CNTNAP4: variants seen among roughly 807,000 people sequenced by gnomAD.
CNTNAP4 encodes contactin associated protein family member 4.
CNTNAP4 carries 98 observed loss-of-function variants against 148.4 expected under a neutral mutation model. That is an observed-to-expected ratio of 0.66 (90% CI 0.56 to 0.78). The LOEUF is 0.78. CNTNAP4 is among the 30% of genes least tolerant of loss of function. The probability of loss-of-function intolerance (pLI) is 0.00; values close to 1 mark genes in which losing one functional copy is unlikely to be tolerated. For synonymous variants in CNTNAP4, 730 were observed against 565.1 expected (o/e 1.29, Z -4.14); for missense variants, 1,935 against 1,565.6 (o/e 1.24, Z -3.98).
Position 76,316,518 on chromosome 16 carries a change from G to A in CNTNAP4, c.191G>A (p.Arg64Lys). 1 of 1,608,396 alleles carries A rather than the reference G, an allele frequency of 6.2e-7. No individual in the cohort carries two copies. The highest frequency in any genetic ancestry group is 8.5e-7 in the Non-Finnish European group (1 of 1,174,900). The change falls in exon 2 of 24, where the codon AGA becomes AAA. Residue 64 changes from arginine to lysine, a missense_variant. Coordinates refer to ENST00000611870, the MANE Select transcript of CNTNAP4 (RefSeq NM_033401.5). Reference protein sequence around the residue: ...HGPGFARLNRRDGAGGWSPLV... With the variant: ...HGPGFARLNRKDGAGGWSPLV... ...CCTGGATTTGCAAGGCTGAATAGAA[G>A]AGATGGTAAGTCTGCTTTTCTCCTC...
rs561925693 is a variant in CNTNAP4 at position 76,418,599 on chromosome 16, G to A, written c.391-8853G>A. The stretch of plus-strand genomic sequence containing the variant: ...TTACATTACCCATCTGTTTTTGCAT[G>A]TTTTGAGCTTTTTCCATTAGACCCC... On this transcript the variant is annotated intron_variant, in intron 3 of 23. Coordinates refer to ENST00000611870, the MANE Select transcript of CNTNAP4 (RefSeq NM_033401.5). Among the ~76,000 whole-genome samples the A allele has an allele frequency of 7.9e-4, 120 of 151,652 alleles. 1 individual carries two copies. The highest frequency in any genetic ancestry group is 2.8e-3 in the African/African-American group (118 of 41,452).
At chr16:76,510,247 A>G (rs1252354503) in intron 15 of CNTNAP4, among the ~76,000 whole-genome samples, 1 of 152,134 alleles carries the variant, frequency 6.6e-6, no homozygotes, top group Non-Finnish European at 1.5e-5. Context: ...AATACAAGAT[A>G]TGTGATCTCT....
intron 2 of CNTNAP4, among the ~76,000 whole-genome samples, chr16:76,338,765 T>C (rs1048912540): frequency 1.3e-5 from 2 of 152,178 alleles, no homozygotes; most frequent in African/African-American, 4.8e-5. Flanking sequence ...TTGTAACCTT[T>C]CATAAGTGAC....
intron 15 of CNTNAP4, among the ~76,000 whole-genome samples, chr16:76,514,308 A>T (rs1033753967): frequency 6.6e-6 from 1 of 152,182 alleles, no homozygotes; most frequent in African/African-American, 2.4e-5. Flanking sequence ...AAATAATTGG[A>T]TGTTGCTCCA....
chr16:76,416,204 G>A (rs2078978005), intron 3 of CNTNAP4, among the ~76,000 whole-genome samples: 1 of 150,964 alleles, frequency 6.6e-6, no homozygotes, highest in Admixed American at 6.6e-5. Flanking sequence ...GCAAACTTTT[G>A]AAAGAACCAC....
At position 76,452,470 on chromosome 16, in the gene CNTNAP4, T is replaced by A. The variant is rs767860625; in HGVS notation, c.1072-38T>A. On this transcript the variant is annotated intron_variant, in intron 7 of 23. Coordinates refer to ENST00000611870, the MANE Select transcript of CNTNAP4 (RefSeq NM_033401.5). ...AATTCTGTTACTAATGTGATGTGAA[T>A]AACATTCTGAAAGCTTTTTCTTTTA... 6.8e-6 allele frequency: 11 copies of A among 1,607,528 alleles called. No homozygotes were observed. In the South Asian group the frequency reaches 1.1e-4, roughly 16 times the overall value.
At chr16:76,555,031 G>T (rs12922968) in intron 23 of CNTNAP4, among the ~76,000 whole-genome samples, 53,005 of 151,334 alleles carry the variant, frequency 0.35, 10,125 homozygotes, top group African/African-American at 0.52. Flanking sequence ...TCCCTGGCAG[G>T]GCAACAGGAT....
intron 4 of CNTNAP4, among the ~76,000 whole-genome samples, chr16:76,440,002 C>G (rs929945739): frequency 6.6e-6 from 1 of 151,186 alleles, no homozygotes; most frequent in Non-Finnish European, 1.5e-5. Context: ...GCGACTCAGT[C>G]TGATTTGTGT....
intron 2 of CNTNAP4, among the ~76,000 whole-genome samples, chr16:76,339,421 TA>T (rs1474682798): frequency 2.6e-5 from 4 of 152,136 alleles, no homozygotes; most frequent in Non-Finnish European, 4.4e-5. Context: ...CACATTAATT[TA>T]AATTTTAAGA....
intron 3 of CNTNAP4, among the ~76,000 whole-genome samples, chr16:76,419,768 G>A (rs970037817): frequency 2.0e-5 from 3 of 151,994 alleles, no homozygotes; most frequent in East Asian, 1.9e-4. Context: ...TGAAAAGTCC[G>A]AGAACAAGGT....
intron 21 of CNTNAP4, among the ~76,000 whole-genome samples, chr16:76,548,477 A>G (rs542411798): frequency 1.3e-5 from 2 of 151,890 alleles, no homozygotes; most frequent in South Asian, 4.2e-4. Flanking sequence ...TTGTTCTTAC[A>G]TGTATTGTCG....
At chr16:76,341,302 T>A (rs1191713808) in intron 2 of CNTNAP4, among the ~76,000 whole-genome samples, 1 of 152,218 alleles carries the variant, frequency 6.6e-6, no homozygotes, top group Non-Finnish European at 1.5e-5. Context: ...ATATATTTTA[T>A]GTCTAGATGG....
At position 76,498,556 on chromosome 16, in the gene CNTNAP4, T is replaced by C. The variant is rs755468539; in HGVS notation, c.2238-11T>C. 1 of 1,600,876 alleles carries C rather than the reference T, an allele frequency of 6.2e-7. No homozygotes were observed. The highest frequency in any genetic ancestry group is 8.5e-7 in the Non-Finnish European group (1 of 1,175,390). On this transcript the variant is annotated splice_polypyrimidine_tract_variant and intron_variant, in intron 14 of 23. Transcript: ENST00000611870. ...GTTCTTAAGAATTTTGTTGTTGCTA[T>C]TGTTTTTTAGGACCAATGACACTGG... is the stretch of plus-strand genomic sequence containing the variant.
intron 2 of CNTNAP4, 26 bp downstream of exon 2, chr16:76,316,549 G>T: frequency 6.9e-7 from 1 of 1,440,388 alleles, no homozygotes; most frequent in South Asian, 1.1e-5. Context: ...TCCTCTGACT[G>T]GCCCATAGAA....
In CNTNAP4 at chr16:76,491,052, G is replaced by A. The variant is rs995316458; in HGVS notation, c.2080+1169G>A. Among the ~76,000 whole-genome samples the A allele has an allele frequency of 9.2e-5, 14 of 152,182 alleles. No homozygotes were observed. In the East Asian group the frequency reaches 1.4e-3, roughly 15 times the overall value. ...TCTGACATTTGAACCCTGCATTTCCGATTAAGTCTCTCTCTATTTATTCTC... is the reference window on the plus strand; with the variant it reads ...TCTGACATTTGAACCCTGCATTTCCAATTAAGTCTCTCTCTATTTATTCTC... On this transcript the variant is annotated intron_variant, in intron 13 of 23. Transcript: ENST00000611870.
chr16:76,528,462 C>G (rs188295441), intron 17 of CNTNAP4, among the ~76,000 whole-genome samples: 224 of 152,216 alleles, frequency 1.5e-3, no homozygotes, highest in Middle Eastern at 6.8e-3. Context: ...GACGCAGTCT[C>G]CCTATGTGCC....
intron 3 of CNTNAP4, among the ~76,000 whole-genome samples, chr16:76,375,632 C>T (rs8050346): frequency 0.16 from 24,153 of 152,086 alleles, 2,524 homozygotes; most frequent in East Asian, 0.45. Context: ...GTCCCCACCC[C>T]CAGGCTCCTG....
chr16:76,374,599 C>G (rs1370512092), intron 3 of CNTNAP4, among the ~76,000 whole-genome samples: 3 of 151,900 alleles, frequency 2.0e-5, no homozygotes, highest in Non-Finnish European at 4.4e-5. Context: ...CTCATAAAAT[C>G]AAATTCTTTG....
chr16:76,493,275 A>G (rs1055575024), intron 13 of CNTNAP4, among the ~76,000 whole-genome samples: 4 of 152,308 alleles, frequency 2.6e-5, no homozygotes, highest in Non-Finnish European at 4.4e-5. Flanking sequence ...ATGTGAATGA[A>G]TAAAGTGAAA....
Sources: gnomAD v4.1 joint callset for allele counts (sites outside exome capture counted in the v4.1 genomes callset) on GRCh38, gnomAD v4.1.1 for gene constraint, MANE v1.5 for transcripts, NCBI Gene and HGNC (gene_info 2026-07-23, HGNC 2026-07-21) for gene names.